The following PTPRK variants were observed in gnomAD, a reference collection of about 807,000 sequenced individuals.
The protein encoded by PTPRK is protein tyrosine phosphatase receptor type K.
Under a neutral mutation model 178.0 loss-of-function variants are expected in PTPRK, and 75 were observed. The observed-to-expected ratio is 0.42, with a 90% CI of 0.35 to 0.51. The LOEUF is 0.51. PTPRK is among the 20% of genes least tolerant of loss of function. The pLI is 0.02. For missense variants in PTPRK, 1,441 were observed against 1,797.8 expected (o/e 0.80, Z 3.59); for synonymous variants, 637 against 620.6 (o/e 1.03, Z -0.39).
chr6:128,076,993 G>A (rs1375606014), intron 11 of PTPRK, among the ~76,000 whole-genome samples: 1 of 151,976 alleles, frequency 6.6e-6, no homozygotes, highest in East Asian at 1.9e-4. Context: ...AGTGAATAAA[G>A]AGTTAATGTA....
intron 7 of PTPRK, among the ~76,000 whole-genome samples, chr6:128,106,388 A>C (rs1356859005): frequency 6.6e-6 from 1 of 152,206 alleles, no homozygotes; most frequent in Non-Finnish European, 1.5e-5. Context: ...TGTAGAAAAT[A>C]AAAGCATTGA....
chr6:128,471,988 C>A (rs1850734034), intron 1 of PTPRK, among the ~76,000 whole-genome samples: 1 of 149,412 alleles, frequency 6.7e-6, no homozygotes, highest in Admixed American at 6.7e-5. Context: ...GTTGCAGAAA[C>A]AAAAGAGAGA....
Position 128,453,698 on chromosome 6 carries a change from C to T in PTPRK, c.101-56010G>A, listed in dbSNP as rs372475777. On this transcript the variant is annotated intron_variant, in intron 1 of 29. Transcript: ENST00000368226. ...ATGTGGCAAAAACAAAATAGCCACCCTGTAAATGTGCTTTTATAATAAGTA... is the reference window on the plus strand; with the variant it reads ...ATGTGGCAAAAACAAAATAGCCACCTTGTAAATGTGCTTTTATAATAAGTA... Among the ~76,000 whole-genome samples, 13 of 152,176 alleles carry T rather than the reference C, an allele frequency of 8.5e-5. No homozygotes were observed. In the East Asian group the frequency reaches 1.2e-3, roughly 14 times the overall value.
intron 2 of PTPRK, among the ~76,000 whole-genome samples, chr6:128,379,535 TAAGA>T (rs1203781329): frequency 1.3e-5 from 2 of 152,338 alleles, no homozygotes; most frequent in South Asian, 2.1e-4. Context: ...ATTTTACCTT[TAAGA>T]AAGAGAGGAC....
intron 3 of PTPRK, among the ~76,000 whole-genome samples, chr6:128,288,164 T>C (rs1463954387): frequency 2.0e-5 from 3 of 152,220 alleles, no homozygotes; most frequent in African/African-American, 7.2e-5. Flanking sequence ...TTCACAAAAC[T>C]GAAAGTTATT....
chr6:128,300,397 A>G (rs1825373115), intron 3 of PTPRK, among the ~76,000 whole-genome samples: 1 of 152,104 alleles, frequency 6.6e-6, no homozygotes, highest in Non-Finnish European at 1.5e-5. Flanking sequence ...ACTATAAATC[A>G]TGCTGCTATA....
intron 1 of PTPRK, among the ~76,000 whole-genome samples, chr6:128,465,654 T>C (rs1849754539): frequency 1.3e-5 from 2 of 152,208 alleles, no homozygotes; most frequent in Admixed American, 1.3e-4. Context: ...AATGAATTCC[T>C]TTATCTTTCT....
intron 3 of PTPRK, among the ~76,000 whole-genome samples, chr6:128,308,846 T>G (rs967113215): frequency 2.6e-5 from 4 of 152,160 alleles, no homozygotes; most frequent in African/African-American, 9.7e-5. Flanking sequence ...TCGCCAAGCT[T>G]TGCAGCTGAA....
chr6:128,239,312 C>T (rs932494063), intron 5 of PTPRK, among the ~76,000 whole-genome samples: 2 of 152,118 alleles, frequency 1.3e-5, no homozygotes, highest in Non-Finnish European at 2.9e-5. Flanking sequence ...TGTTTTAGGT[C>T]CAGCTTCCTG....
chr6:128,149,519 G>GT (rs773271717), intron 7 of PTPRK, among the ~76,000 whole-genome samples: 1 of 152,042 alleles, frequency 6.6e-6, no homozygotes, highest in Non-Finnish European at 1.5e-5. Flanking sequence ...GAATTAGATA[G>GT]GCATATAGTC....
intron 1 of PTPRK, among the ~76,000 whole-genome samples, chr6:128,433,297 C>A (rs780856670): frequency 2.2e-4 from 34 of 152,124 alleles, no homozygotes; most frequent in Non-Finnish European, 4.3e-4. Context: ...CCCTTCCCAG[C>A]CTCTGGTAAT....
At chr6:128,208,326 C>T (rs1807353853) in intron 6 of PTPRK, among the ~76,000 whole-genome samples, 1 of 151,852 alleles carries the variant, frequency 6.6e-6, no homozygotes, top group South Asian at 2.1e-4. Flanking sequence ...ATTCCCTCTC[C>T]CAACCCTTTA....
chr6:128,155,102 T>C (rs1797782963), intron 7 of PTPRK, among the ~76,000 whole-genome samples: 1 of 151,778 alleles, frequency 6.6e-6, no homozygotes, highest in Admixed American at 6.6e-5. Context: ...CATTATATAA[T>C]AGAAAGTCCT....
chr6:128,425,469 T>C (rs760628760), intron 1 of PTPRK, among the ~76,000 whole-genome samples: 1 of 152,162 alleles, frequency 6.6e-6, no homozygotes, highest in Non-Finnish European at 1.5e-5. Context: ...TGCATCCTAA[T>C]AGCTTAGCTC....
At chr6:128,325,782 C>G in intron 2 of PTPRK, among the ~76,000 whole-genome samples, 1 of 152,146 alleles carries the variant, frequency 6.6e-6, no homozygotes, top group East Asian at 1.9e-4. Context: ...GGATCTAAAA[C>G]TAGAAATACC....
intron 7 of PTPRK, among the ~76,000 whole-genome samples, chr6:128,111,124 C>A (rs17055300): frequency 0.023 from 3,433 of 152,204 alleles, 107 homozygotes; most frequent in African/African-American, 0.048. Context: ...TTTAAAAATG[C>A]ATCCACTGCT....
chr6:128,129,410 C>CT (rs1157740692), intron 7 of PTPRK, among the ~76,000 whole-genome samples: 1 of 152,158 alleles, frequency 6.6e-6, no homozygotes, highest in African/African-American at 2.4e-5. Context: ...TAGTGCTAGA[C>CT]TTTTTTTCAT....
At chr6:128,071,819 A>G (rs1782877254) in intron 11 of PTPRK, among the ~76,000 whole-genome samples, 2 of 152,102 alleles carry the variant, frequency 1.3e-5, no homozygotes. Flanking sequence ...AAAAGAAACT[A>G]TCTTTCCTTC....
At chr6:128,312,889 C>T (rs1827447676) in intron 3 of PTPRK, among the ~76,000 whole-genome samples, 1 of 152,028 alleles carries the variant, frequency 6.6e-6, no homozygotes, top group Non-Finnish European at 1.5e-5. Flanking sequence ...AGTATTCAGC[C>T]TCATCCAATC....
Sources: allele counts gnomAD v4.1 joint callset (sites outside exome capture counted in the v4.1 genomes callset), GRCh38; gene constraint gnomAD v4.1.1; transcripts MANE v1.5; gene names NCBI Gene and HGNC (gene_info 2026-07-23, HGNC 2026-07-21).